Variants in TOR3A observed in about 807,000 individuals in gnomAD.
TOR3A encodes the protein torsin-3A.
In TOR3A, 44 loss-of-function variants were observed where a neutral mutation model predicts 42.1. The ratio of observed to expected loss-of-function variants is 1.04; its 90% CI spans 0.82 to 1.34. The LOEUF (loss-of-function observed/expected upper bound fraction) is 1.34. Among genes scored for constraint, TOR3A ranks in the 40% most tolerant of loss-of-function variants. The pLI is 0.00. For missense variants in TOR3A, 521 were observed against 507.6 expected (o/e 1.03, Z -0.25); for synonymous variants, 227 against 213.2 (o/e 1.06, Z -0.57).
At chr1:179,083,881 C>T (rs1652364476) in intron 2 of TOR3A, among the ~76,000 whole-genome samples, 2 of 152,074 alleles carry the variant, frequency 1.3e-5, no homozygotes, top group African/African-American at 4.8e-5. Flanking sequence ...TCTCCTGATC[C>T]CAGGTCCTTC....
intron 4 of TOR3A, among the ~76,000 whole-genome samples, chr1:179,088,726 A>G (rs1025455459): frequency 6.6e-6 from 1 of 152,210 alleles, no homozygotes; most frequent in Non-Finnish European, 1.5e-5. Flanking sequence ...GAATCACTGC[A>G]CTGAGGTTCC....
At chr1:179,094,540 G>A (rs1031556085) in intron 5 of TOR3A, among the ~76,000 whole-genome samples, 1 of 152,152 alleles carries the variant, frequency 6.6e-6, no homozygotes, top group East Asian at 1.9e-4. Context: ...ATACGCTGCA[G>A]ACAGCACTCC....
chr1:179,087,921 T>A lies in TOR3A; in HGVS notation c.650T>A (p.Met217Lys). 1 of 1,589,664 alleles carries A rather than the reference T, an allele frequency of 6.3e-7. No homozygotes were observed. Among genetic ancestry groups the A allele is most frequent in the Non-Finnish European group, 8.6e-7 (1 of 1,168,582 alleles). The change falls in exon 4 of 6, where the codon ATG becomes AAG. Residue 217 changes from methionine to lysine, a missense_variant. Coordinates refer to ENST00000367627, the MANE Select transcript of TOR3A (RefSeq NM_022371.4). Reference sequence around the variant, plus strand: ...CTATATCCCGTGCAGGAGCAGCTGATGAGCCAGATCCGGGAGACGCAGCAG... The same window carrying A: ...CTATATCCCGTGCAGGAGCAGCTGAAGAGCCAGATCCGGGAGACGCAGCAG... ...KYVDLYKEQL[M>K]SQIRETQQLC... is the part of the protein sequence containing the mutation.
intron 3 of TOR3A, 129 bp from the exon 4 acceptor site, chr1:179,087,782 G>T: frequency 1.3e-6 from 1 of 783,524 alleles, no homozygotes; most frequent in Non-Finnish European, 2.0e-6. Flanking sequence ...GATAGGTTCT[G>T]GCGGGGGGCG....
In TOR3A at chr1:179,095,557, T is replaced by C. The variant is rs1282917838; in HGVS notation, c.*339T>C. ...TGGGCCAGGTGGTTGAAGAAAGCCA[T>C]GTGGGAGCTCAGCAAATCCCAAGGG... On this transcript the variant is annotated 3_prime_UTR_variant, in exon 6 of 6. Transcript: ENST00000367627. 8.6e-7 allele frequency: 1 copy of C among 1,160,626 alleles called. No individual in the cohort carries two copies. The highest frequency in any genetic ancestry group is 1.1e-6 in the Non-Finnish European group (1 of 937,790). The allele number at this position is 1,160,626 out of a possible 1,614,324, so 71.9% of individuals were successfully genotyped here.
At position 179,082,298 on chromosome 1, in the gene TOR3A, C is replaced by A. The variant is rs575309780; in HGVS notation, c.170C>A (p.Ala57Asp). 10 of 1,587,208 alleles carry A rather than the reference C, an allele frequency of 6.3e-6. No homozygotes were observed. The East Asian group carries it at 2.4e-4, about 38-fold the overall frequency. The change falls in exon 1 of 6, where the codon GCC becomes GAC. Residue 57 changes from alanine (A) to aspartate (D), a missense_variant. Physicochemically the swap from Ala to Asp is moderately radical, Grantham distance 126. Coordinates refer to ENST00000367627, the MANE Select transcript of TOR3A (RefSeq NM_022371.4). ...CAGGAGCAGCTCAGGGCGGCGGGTG[C>A]CCTCTCCAAGCGGTACTGGACGCTC... ...RLQEQLRAAGALSKRYWTLFS... is the reference protein window; with the variant it reads ...RLQEQLRAAGDLSKRYWTLFS...
intron 4 of TOR3A, among the ~76,000 whole-genome samples, chr1:179,090,954 G>C (rs1208922378): frequency 2.0e-5 from 3 of 152,212 alleles, no homozygotes; most frequent in African/African-American, 7.2e-5. Context: ...TATTTGTGGA[G>C]TCGTGGTGGG....
intron 4 of TOR3A, among the ~76,000 whole-genome samples, chr1:179,092,592 CCTGTCATCCTAGCACT>C (rs145119339): frequency 0.022 from 3,402 of 152,240 alleles, 66 homozygotes; most frequent in Middle Eastern, 0.054. Flanking sequence ...GCCGGGCACA[CCTGTCATCCTAGCACT>C]TTGGGAGGCG....
At chr1:179,088,241 C>T (rs1652488927) in intron 4 of TOR3A, 152 bp downstream of exon 4, 2 of 849,862 alleles carry the variant, frequency 2.4e-6, no homozygotes, top group East Asian at 3.0e-5. Context: ...GCTGTGGTAG[C>T]TCACGCCTGT....
At chr1:179,085,539 C>G in intron 2 of TOR3A, 89 bp from the exon 3 acceptor site, 3 of 1,520,484 alleles carry the variant, frequency 2.0e-6, no homozygotes, top group Non-Finnish European at 2.7e-6. Flanking sequence ...GAGAGAGATT[C>G]AGAGTTGCTT....
At chr1:179,094,856 T>C in intron 5 of TOR3A, 112 bp from the exon 6 acceptor site, 1 of 1,045,740 alleles carries the variant, frequency 9.6e-7, no homozygotes, top group Non-Finnish European at 1.5e-6. Context: ...CCAGCCTGGT[T>C]GACAGAGCAA....
At position 179,087,933 on chromosome 1, in the gene TOR3A, G is replaced by A. The variant is rs370647290; in HGVS notation, c.662G>A (p.Arg221Gln). 3.8e-6 allele frequency: 6 copies of A among 1,599,056 alleles called. No individual in the cohort carries two copies. In the African/African-American group the frequency reaches 4.0e-5, roughly 11 times the overall value. ...CAGGAGCAGCTGATGAGCCAGATCC[G>A]GGAGACGCAGCAGCTCTGCCACCAG... is the stretch of plus-strand genomic sequence containing the variant. ...LYKEQLMSQI[R>Q]ETQQLCHQTL... The change falls in exon 4 of 6, where the codon CGG becomes CAG. Residue 221 changes from arginine to glutamine, a missense_variant. Arg to Gln is a conservative substitution (Grantham distance 43). Coordinates refer to ENST00000367627, the MANE Select transcript of TOR3A (RefSeq NM_022371.4).
At chr1:179,082,879 G>A in intron 1 of TOR3A, 61 bp from the exon 2 acceptor site, 1 of 1,119,426 alleles carries the variant, frequency 8.9e-7, no homozygotes, top group Admixed American at 2.0e-5. Flanking sequence ...TGGCAAGGTT[G>A]CCGCATCACT....
chr1:179,087,838 G>C, intron 3 of TOR3A, 73 bp from the exon 4 acceptor site: 1 of 1,450,678 alleles, frequency 6.9e-7, no homozygotes, highest in Non-Finnish European at 9.2e-7. Flanking sequence ...ACATGCCCAG[G>C]GGAAACCACG....
rs1016388382 is a variant in TOR3A, at chr1:179,095,831, A to AAAG, written c.*614_*616dup. On this transcript the variant is annotated 3_prime_UTR_variant, in exon 6 of 6. Transcript: ENST00000367627. ...AGCCAAGAGCCTGAGGCTGAAGGGA[A>AAAG]AAGTACACAGAGGAAGATATTTTAC... 2 of 986,660 alleles carry AAAG rather than the reference A, an allele frequency of 2.0e-6. No homozygotes were observed. Among genetic ancestry groups the AAAG allele is most frequent in the African/African-American group, 3.5e-5 (2 of 57,150 alleles). 61.1% of individuals were successfully genotyped at this position (986,660 alleles called of 1,614,324 possible). A position where few individuals can be genotyped will look rare whatever the true frequency, so the allele number is the denominator to read the frequency against.
intron 4 of TOR3A, among the ~76,000 whole-genome samples, chr1:179,090,106 C>T (rs992927299): frequency 4.5e-4 from 8 of 17,632 alleles, no homozygotes; most frequent in Admixed American, 3.8e-3. Context: ...TGGTTGTGGG[C>T]GGGGTGGGGG....
At chr1:179,086,000 G>A in intron 3 of TOR3A, 107 bp downstream of exon 3, 1 of 1,416,220 alleles carries the variant, frequency 7.1e-7, no homozygotes, top group Admixed American at 2.1e-5. Context: ...GGGAGGTGGG[G>A]ACAGGTGGCA....
chr1:179,092,231 C>G (rs993731017), intron 4 of TOR3A, among the ~76,000 whole-genome samples: 8 of 152,206 alleles, frequency 5.3e-5, no homozygotes, highest in South Asian at 2.1e-4. Flanking sequence ...CATTTCCCAG[C>G]AGCCCCCATG....
At chr1:179,093,989 A>G in intron 4 of TOR3A, 104 bp from the exon 5 acceptor site, 1 of 1,425,304 alleles carries the variant, frequency 7.0e-7, no homozygotes, top group East Asian at 2.4e-5. Context: ...CACGCCCCTC[A>G]GCCTCTATTC....
Sources: allele counts gnomAD v4.1 joint callset (sites outside exome capture counted in the v4.1 genomes callset), GRCh38; gene constraint gnomAD v4.1.1; transcripts MANE v1.5; gene names NCBI Gene and HGNC (gene_info 2026-07-23, HGNC 2026-07-21).